CACNG2: variants seen among roughly 807,000 people sequenced by gnomAD.
CACNG2 encodes calcium voltage-gated channel auxiliary subunit gamma 2.
A neutral mutation model predicts 25.9 loss-of-function variants in CACNG2; 3 were observed. That is an observed-to-expected ratio of 0.12 (90% CI 0.05 to 0.30). The LOEUF (loss-of-function observed/expected upper bound fraction) is 0.30, where lower values mean the gene tolerates loss of function less well. Ranked by LOEUF, CACNG2 falls within the 10% of genes least tolerant of loss-of-function variation. The pLI, the probability that CACNG2 is intolerant of heterozygous loss-of-function variation, is 1.00. For missense variants in CACNG2, 341 were observed against 432.5 expected, an observed-to-expected ratio of 0.79 and a Z score of 1.88; for synonymous variants, 167 against 173.3, an observed-to-expected ratio of 0.96 and a Z score of 0.29.
chr22:36,574,997 G>A (rs11913186), intron 2 of CACNG2, among the ~76,000 whole-genome samples: 5,904 of 152,242 alleles, frequency 0.039, 391 homozygotes, highest in African/African-American at 0.14. Context: ...CTTGCCTATG[G>A]ATGAAGAGAG....
At chr22:36,609,396 C>T (rs1429374620) in intron 1 of CACNG2, among the ~76,000 whole-genome samples, 2 of 98,580 alleles carry the variant, frequency 2.0e-5, no homozygotes, top group African/African-American at 3.4e-5. Context: ...AATCAGCCCC[C>T]CAGAGCGTGA....
Position 36,564,706 on chromosome 22 carries a change from T to C in CACNG2, c.617A>G (p.Lys206Arg), listed in dbSNP as rs887134997. 4.3e-6 allele frequency: 7 copies of C among 1,614,036 alleles called. No individual in the cohort carries two copies. Among genetic ancestry groups the C allele is most frequent in the East Asian group, 2.2e-5 (1 of 44,894 alleles). Residue 206 changes from lysine to arginine, a missense_variant, in exon 4 of 4, where the codon AAA becomes AGA. This residue lies in a region of CACNG2 where 172 missense variants were observed against 178.1 expected (regional missense o/e 0.97). Transcript: ENST00000300105. The surrounding 1 kb of genome is among the most constrained non-coding windows in gnomAD (Gnocchi z 6.7). ...LAVHMFIDRH[K>R]QLRATARATD... ...GGCGCGGGCCGTGGCCCGCAGCTGT[T>C]TGTGCCGGTCGATAAACATGTGCAC...
chr22:36,570,278 G>A (rs1206164151), intron 2 of CACNG2, among the ~76,000 whole-genome samples: 1 of 152,240 alleles, frequency 6.6e-6, no homozygotes, highest in Non-Finnish European at 1.5e-5. Context: ...GAGCAGGGAG[G>A]GGTCTGCTGT....
At position 36,564,306 on chromosome 22, in the gene CACNG2, G is replaced by A. The variant is rs1396570218; in HGVS notation, c.*45C>T. The A allele has an allele frequency of 6.4e-6, 10 of 1,574,218 alleles. No homozygotes were observed. The highest frequency in any genetic ancestry group is 8.6e-6 in the Non-Finnish European group (10 of 1,156,722). On this transcript the variant is annotated 3_prime_UTR_variant, in exon 4 of 4. Coordinates refer to ENST00000300105, the MANE Select transcript of CACNG2 (RefSeq NM_006078.5). The surrounding 1 kb of genome is among the most constrained non-coding windows in gnomAD (Gnocchi z 6.7). ...TCTCCCCGCCCCGCCCCGCCCCCGG[G>A]GACCGCGCCCTCCTCCCGCGGTCTT...
At chr22:36,696,364 C>T (rs958337492) in intron 1 of CACNG2, among the ~76,000 whole-genome samples, 10 of 152,158 alleles carry the variant, frequency 6.6e-5, no homozygotes, top group Admixed American at 3.9e-4. Flanking sequence ...TCTTTTCTCT[C>T]ACTCCTTCCT....
At chr22:36,612,163 A>G (rs1935951687) in intron 1 of CACNG2, among the ~76,000 whole-genome samples, 1 of 152,224 alleles carries the variant, frequency 6.6e-6, no homozygotes, top group African/African-American at 2.4e-5. Context: ...TGTGGGTTCA[A>G]ATCTCAGGGC....
At chr22:36,649,997 C>A (rs1936582551) in intron 1 of CACNG2, among the ~76,000 whole-genome samples, 1 of 152,226 alleles carries the variant, frequency 6.6e-6, no homozygotes, top group South Asian at 2.1e-4. Context: ...CCACTGTCCA[C>A]TTCTCACTTC....
chr22:36,592,642 G>C (rs893820512), intron 1 of CACNG2, among the ~76,000 whole-genome samples: 2 of 152,166 alleles, frequency 1.3e-5, no homozygotes, highest in African/African-American at 4.8e-5. Flanking sequence ...ATCACCGATT[G>C]GTTTTTAGAA....
Position 36,703,013 on chromosome 22 carries a change from C to T in CACNG2, c.-437G>A, listed in dbSNP as rs1937430990. 1 of 177,434 alleles carries T rather than the reference C, an allele frequency of 5.6e-6. No individual in the cohort carries two copies. Among genetic ancestry groups the T allele is most frequent in the East Asian group, 1.7e-4 (1 of 6,052 alleles). 11.0% of individuals were successfully genotyped at this position (177,434 alleles called of 1,614,324 possible). On this transcript the variant is annotated 5_prime_UTR_variant, in exon 1 of 4. It removes an upstream start codon present in the reference 5' UTR. Transcript: ENST00000300105. ...CAGCCGAATTCTCAACACCATTTCT[C>T]ATGGTCGGGACCTAGACAGTTAGAG...
At chr22:36,623,167 T>G (rs1333824199) in intron 1 of CACNG2, among the ~76,000 whole-genome samples, 2 of 151,262 alleles carry the variant, frequency 1.3e-5, no homozygotes, top group African/African-American at 4.9e-5. Context: ...ATTACAGGCA[T>G]GCACCTCCAT....
At chr22:36,660,926 G>A (rs1287412967) in intron 1 of CACNG2, among the ~76,000 whole-genome samples, 3 of 152,208 alleles carry the variant, frequency 2.0e-5, no homozygotes, top group East Asian at 1.9e-4. Flanking sequence ...AAATGGAGAC[G>A]ATTGTTACAG....
At chr22:36,651,866 T>A (rs1408548204) in intron 1 of CACNG2, among the ~76,000 whole-genome samples, 1 of 152,056 alleles carries the variant, frequency 6.6e-6, no homozygotes, top group Non-Finnish European at 1.5e-5. Context: ...TCATCTATTT[T>A]GTTTCTTTTG....
chr22:36,659,008 C>T (rs1936748247), intron 1 of CACNG2, among the ~76,000 whole-genome samples: 1 of 152,110 alleles, frequency 6.6e-6, no homozygotes, highest in Non-Finnish European at 1.5e-5. Context: ...TGCCCTTTCA[C>T]TCCAGCATGT....
At chr22:36,626,140 G>A (rs1449277198) in intron 1 of CACNG2, among the ~76,000 whole-genome samples, 2 of 152,120 alleles carry the variant, frequency 1.3e-5, no homozygotes, top group Non-Finnish European at 2.9e-5. Flanking sequence ...GGCTGGTCTC[G>A]AACTCCTGAC....
chr22:36,634,190 T>A (rs1190334817), intron 1 of CACNG2, among the ~76,000 whole-genome samples: 1 of 152,228 alleles, frequency 6.6e-6, no homozygotes, highest in African/African-American at 2.4e-5. Context: ...TTCCCTATAG[T>A]CTAGCACTCT....
At chr22:36,659,980 C>T (rs1936765950) in intron 1 of CACNG2, among the ~76,000 whole-genome samples, 1 of 152,190 alleles carries the variant, frequency 6.6e-6, no homozygotes, top group Admixed American at 6.5e-5. Context: ...TGGTGGCTTC[C>T]AGCTTGCACT....
rs368564205 is a variant in CACNG2 at position 36,657,232 on chromosome 22, C to T, written c.211+45134G>A. On this transcript the variant is annotated intron_variant, in intron 1 of 3. Transcript: ENST00000300105. Reference sequence around the variant, plus strand: ...TTAACATTGACTTTTTGCCTTCTTCCGGAGAGATCCAGTGGCTCTGGGCAT... The same window carrying T: ...TTAACATTGACTTTTTGCCTTCTTCTGGAGAGATCCAGTGGCTCTGGGCAT... 1.2e-4 allele frequency among the ~76,000 whole-genome samples: 18 copies of T among 152,252 alleles called. 1 individual carries two copies. Among genetic ancestry groups the T allele is most frequent in the South Asian group, 6.2e-4 (3 of 4,824 alleles).
intron 2 of CACNG2, among the ~76,000 whole-genome samples, chr22:36,580,568 C>G (rs1004991697): frequency 1.3e-5 from 2 of 152,106 alleles, no homozygotes; most frequent in Non-Finnish European, 2.9e-5. Flanking sequence ...CTGTGTCACA[C>G]CCCCTGGAGG....
intron 1 of CACNG2, among the ~76,000 whole-genome samples, chr22:36,665,533 A>ACT (rs1936863563): frequency 6.6e-6 from 1 of 152,208 alleles, no homozygotes; most frequent in South Asian, 2.1e-4. Context: ...CAACAACTCG[A>ACT]CTCAAAAATG....
Sources: allele counts gnomAD v4.1 joint callset (sites outside exome capture counted in the v4.1 genomes callset), GRCh38; gene constraint gnomAD v4.1.1; regional missense constraint gnomAD v4.1.1; non-coding constraint Gnocchi (gnomAD v3.1); transcripts MANE v1.5; gene names NCBI Gene and HGNC (gene_info 2026-07-23, HGNC 2026-07-21).